Variants in GCNT1 observed in about 807,000 individuals in gnomAD.
GCNT1 encodes glucosaminyl (N-acetyl) transferase 1.
Under a neutral mutation model 26.2 loss-of-function variants are expected in GCNT1, and 16 were observed. The observed-to-expected ratio is 0.61, with a 90% confidence interval of 0.41 to 0.93. GCNT1 has a LOEUF of 0.93. Ranked by LOEUF, GCNT1 falls within the 40% of genes least tolerant of loss-of-function variation. The probability of loss-of-function intolerance (pLI) is 0.00; values close to 1 mark genes in which losing one functional copy is unlikely to be tolerated. For missense variants in GCNT1, 477 were observed against 526.7 expected (o/e 0.91, Z 0.92); for synonymous variants, 183 against 190.8 (o/e 0.96, Z 0.34).
Position 76,444,511 on chromosome 9 carries a change from A to C in GCNT1, c.-290+2196A>C, listed in dbSNP as rs76250742. On this transcript the variant is annotated intron_variant, in intron 1 of 2. Coordinates refer to the GCNT1 transcript ENST00000442371. ...AGGAAAAAGGGTTTCAAGGTCAAGG[A>C]GTGACGATTTGTCTGAAATGCTGCT... 7.9e-5 allele frequency among the ~76,000 whole-genome samples: 12 copies of C among 152,276 alleles called. No individual in the cohort carries two copies. In the East Asian group the frequency reaches 2.3e-3, roughly 29 times the overall value.
chr9:76,398,830 T>C, the GCNT1 span: 6 of 1,403,258 alleles, frequency 4.3e-6, no homozygotes, highest in Middle Eastern at 1.8e-4. Flanking sequence ...GGAAAAGTAA[T>C]GGCATCTATA....
At chr9:76,493,183 A>C (rs1388143258) in intron 2 of GCNT1, among the ~76,000 whole-genome samples, 2 of 152,186 alleles carry the variant, frequency 1.3e-5, no homozygotes, top group Non-Finnish European at 2.9e-5. Flanking sequence ...AACACAGGTC[A>C]GCAGACGTTT....
At chr9:76,486,746 A>G (rs983872843) in intron 2 of GCNT1, among the ~76,000 whole-genome samples, 9 of 152,140 alleles carry the variant, frequency 5.9e-5, no homozygotes, top group African/African-American at 2.2e-4. Flanking sequence ...TTTGTGGGGA[A>G]CTAGAAACAG....
At chr9:76,398,654 G>C in the GCNT1 span, 4 of 991,136 alleles carry the variant, frequency 4.0e-6, no homozygotes, top group African/African-American at 6.4e-5. Context: ...GGCCCATACG[G>C]CGTTGTTCTG....
chr9:76,482,825 T>G (rs1420307253), intron 2 of GCNT1, among the ~76,000 whole-genome samples: 3 of 148,532 alleles, frequency 2.0e-5, no homozygotes, highest in African/African-American at 7.4e-5. Context: ...TTTTTTTTTT[T>G]TTTTTGGTAG....
chr9:76,506,954 A>ACC lies in GCNT1; in HGVS notation c.*3286_*3287insCC, dbSNP rs1040786523. The ACC allele has an allele frequency of 9.0e-5, 15 of 167,080 alleles. No individual in the cohort carries two copies. Among genetic ancestry groups the ACC allele is most frequent in the Admixed American group, 6.5e-5 (1 of 15,286 alleles). 10.3% of individuals were successfully genotyped at this position (167,080 alleles called of 1,614,324 possible). A position where few individuals can be genotyped will look rare whatever the true frequency, so the allele number is the denominator to read the frequency against. On this transcript the variant is annotated 3_prime_UTR_variant, in exon 4 of 4. Transcript: ENST00000376730. The stretch of plus-strand genomic sequence containing the variant: ...ACGCTCCTCAACTTATGATGTGGGT[A>ACC]GGTCCCAGTAAACCCATTATAATTT...
intron 2 of GCNT1, among the ~76,000 whole-genome samples, chr9:76,466,389 C>A (rs184240198): frequency 1.3e-5 from 2 of 152,324 alleles, no homozygotes; most frequent in East Asian, 3.9e-4. Flanking sequence ...GCAACCTCCA[C>A]CCTCTGGGGC....
the GCNT1 span, among the ~76,000 whole-genome samples, chr9:76,407,315 CT>C: frequency 6.7e-5 from 10 of 149,214 alleles, no homozygotes; most frequent in Admixed American, 1.3e-4. Context: ...TGTCTAGATT[CT>C]TTTTTTTTTC....
intron 2 of GCNT1, among the ~76,000 whole-genome samples, chr9:76,485,702 A>T (rs1824553269): frequency 6.7e-6 from 1 of 149,636 alleles, no homozygotes; most frequent in African/African-American, 2.5e-5. Context: ...TCTCATTTAT[A>T]TTGGGTCCCT....
chr9:76,462,048 G>T (rs1171411519), intron 2 of GCNT1, among the ~76,000 whole-genome samples: 1 of 152,214 alleles, frequency 6.6e-6, no homozygotes, highest in Non-Finnish European at 1.5e-5. Flanking sequence ...TTCATGAAAT[G>T]AAGTGGTAGA....
chr9:76,479,496 A>G (rs1824358459), intron 2 of GCNT1, among the ~76,000 whole-genome samples: 2 of 152,154 alleles, frequency 1.3e-5, no homozygotes, highest in African/African-American at 2.4e-5. Context: ...AAGTGTTCCT[A>G]TTTCTCCACA....
At chr9:76,484,786 C>CTTTTTT (rs33956720) in intron 2 of GCNT1, among the ~76,000 whole-genome samples, 9 of 126,202 alleles carry the variant, frequency 7.1e-5, no homozygotes, top group East Asian at 4.9e-4. Flanking sequence ...ACCATGATTG[C>CTTTTTT]TTTTTTTTTT....
chr9:76,496,827 T>A (rs1824920641), intron 2 of GCNT1, among the ~76,000 whole-genome samples: 1 of 152,208 alleles, frequency 6.6e-6, no homozygotes, highest in African/African-American at 2.4e-5. Context: ...ATTATTTCAT[T>A]TCTCATTTCT....
the GCNT1 span, among the ~76,000 whole-genome samples, chr9:76,411,778 T>C: frequency 6.8e-6 from 1 of 147,806 alleles, no homozygotes. Context: ...CTTGGCTCAC[T>C]GCAACCTCCA....
chr9:76,419,772 C>G (rs1161095411), upstream of GCNT1: 1 of 152,216 alleles, frequency 6.6e-6, no homozygotes, highest in Admixed American at 6.5e-5. Context: ...TGAATCCTGA[C>G]ATAAAATGTA....
chr9:76,474,349 C>T (rs1020039509), intron 2 of GCNT1, among the ~76,000 whole-genome samples: 4 of 152,118 alleles, frequency 2.6e-5, no homozygotes, highest in African/African-American at 9.7e-5. Flanking sequence ...CAGAAACTTA[C>T]AAGTAGTGAC....
intron 1 of GCNT1, among the ~76,000 whole-genome samples, chr9:76,442,884 A>T: frequency 7.0e-6 from 1 of 143,390 alleles, no homozygotes; most frequent in Non-Finnish European, 1.6e-5. Flanking sequence ...TGTTGGGAAT[A>T]TACTAAAGCC....
chr9:76,400,177 T>C, the GCNT1 span, among the ~76,000 whole-genome samples: 14 of 152,342 alleles, frequency 9.2e-5, no homozygotes, highest in South Asian at 2.9e-3. Context: ...TATGCATGTA[T>C]CAAAACCCAT....
At chr9:76,400,521 C>T in the GCNT1 span, among the ~76,000 whole-genome samples, 25 of 152,310 alleles carry the variant, frequency 1.6e-4, no homozygotes, top group Non-Finnish European at 3.1e-4. Context: ...GTTCTGCTTC[C>T]CTCTGTCTTA....
Sources: allele counts gnomAD v4.1 joint callset (sites outside exome capture counted in the v4.1 genomes callset), GRCh38; gene constraint gnomAD v4.1.1; transcripts MANE v1.5; gene names NCBI Gene and HGNC (gene_info 2026-07-23, HGNC 2026-07-21).